Variants in DPYD observed in about 807,000 individuals in gnomAD.
DPYD encodes dihydropyrimidine dehydrogenase.
Under a neutral mutation model 116.2 loss-of-function variants are expected in DPYD, and 109 were observed. That is an observed-to-expected ratio of 0.94 (90% CI 0.80 to 1.10). DPYD has a LOEUF of 1.10. DPYD is among the 50% of genes least tolerant of loss of function. The pLI is 0.00. For missense variants in DPYD, 1,302 were observed against 1,254.5 expected (o/e 1.04, Z -0.57); for synonymous variants, 440 against 432.0 (o/e 1.02, Z -0.23).
At chr1:97,519,836 A>G (rs1212640387) in intron 12 of DPYD, among the ~76,000 whole-genome samples, 1 of 152,104 alleles carries the variant, frequency 6.6e-6, no homozygotes, top group African/African-American at 2.4e-5. Context: ...CTACCTCTGC[A>G]CTTTTCACAT....
intron 20 of DPYD, among the ~76,000 whole-genome samples, chr1:97,107,230 A>G (rs938202166): frequency 2.6e-5 from 4 of 151,932 alleles, no homozygotes; most frequent in Admixed American, 6.6e-5. Context: ...CTTTATCACC[A>G]TCCCCTGCTC....
At chr1:97,707,219 T>C (rs920705021) in intron 5 of DPYD, among the ~76,000 whole-genome samples, 5 of 152,016 alleles carry the variant, frequency 3.3e-5, no homozygotes, top group African/African-American at 1.2e-4. Flanking sequence ...CCAGGAGAAA[T>C]ACCTTGCCCC....
chr1:97,643,249 A>G (rs977037906), intron 8 of DPYD, among the ~76,000 whole-genome samples: 1 of 152,186 alleles, frequency 6.6e-6, no homozygotes, highest in African/African-American at 2.4e-5. Context: ...AAATAAGCAA[A>G]CAACCCCATC....
chr1:97,380,147 C>T lies in DPYD; in HGVS notation c.1974+2246G>A, dbSNP rs140360646. ...AGATCGACTACACTGGATTAAAGAT[C>T]CATTTACAAGTGAATATTGTGAACC... On this transcript the variant is annotated intron_variant, in intron 15 of 22. Transcript: ENST00000370192. Among the ~76,000 whole-genome samples the T allele has an allele frequency of 6.8e-3, 1,035 of 152,270 alleles. 14 individuals are homozygous for T. Among genetic ancestry groups the T allele is most frequent in the African/African-American group, 0.024 (1,000 of 41,554 alleles).
chr1:97,193,272 C>G (rs1313742166), intron 19 of DPYD, 24 bp from the exon 20 acceptor site: 16 of 1,608,596 alleles, frequency 9.9e-6, no homozygotes, highest in Admixed American at 3.4e-5. Flanking sequence ...AGCAGTCAAC[C>G]AAGTGTCAAA....
intron 14 of DPYD, among the ~76,000 whole-genome samples, chr1:97,435,846 G>T (rs905860759): frequency 6.6e-6 from 1 of 151,592 alleles, no homozygotes; most frequent in African/African-American, 2.4e-5. Flanking sequence ...TGGCAAAAAA[G>T]GAAGCTGGGG....
intron 11 of DPYD, 114 bp downstream of exon 11, chr1:97,573,646 C>T (rs1485736868): frequency 1.5e-6 from 2 of 1,318,806 alleles, no homozygotes; most frequent in African/African-American, 1.5e-5. Flanking sequence ...TACTTCTTAA[C>T]TAGAAGAGGA....
intron 8 of DPYD, among the ~76,000 whole-genome samples, chr1:97,643,931 C>A (rs1658087688): frequency 6.6e-6 from 1 of 151,478 alleles, no homozygotes; most frequent in African/African-American, 2.4e-5. Flanking sequence ...CAGGGCCTGT[C>A]AGGGGTTGGG....
intron 16 of DPYD, among the ~76,000 whole-genome samples, chr1:97,369,086 G>A (rs12126526): frequency 1.3e-5 from 2 of 152,044 alleles, no homozygotes; most frequent in African/African-American, 2.4e-5. Flanking sequence ...GCTAAAAGAG[G>A]GTTAGTACTC....
intron 13 of DPYD, among the ~76,000 whole-genome samples, chr1:97,469,647 A>G (rs1269920861): frequency 2.0e-5 from 3 of 152,186 alleles, no homozygotes; most frequent in Non-Finnish European, 2.9e-5. Context: ...AAACTATACT[A>G]AAGGTTCACA....
chr1:97,845,699 T>C (rs1670262934), intron 2 of DPYD, among the ~76,000 whole-genome samples: 1 of 152,122 alleles, frequency 6.6e-6, no homozygotes, highest in African/African-American at 2.4e-5. Flanking sequence ...GCTCGCCAGG[T>C]TGTGGGAGAC....
At chr1:97,427,571 C>T in intron 14 of DPYD, among the ~76,000 whole-genome samples, 1 of 151,964 alleles carries the variant, frequency 6.6e-6, no homozygotes, top group African/African-American at 2.4e-5. Context: ...CCTGTCTAGC[C>T]AGGAAACTAA....
chr1:97,804,365 T>G (rs753178027), intron 3 of DPYD, among the ~76,000 whole-genome samples: 4 of 151,754 alleles, frequency 2.6e-5, no homozygotes, highest in Non-Finnish European at 5.9e-5. Context: ...AGTGAAACAA[T>G]TGAAAGGAAT....
chr1:97,326,253 A>G (rs1027309487), intron 16 of DPYD, among the ~76,000 whole-genome samples: 2 of 151,972 alleles, frequency 1.3e-5, no homozygotes, highest in East Asian at 1.9e-4. Flanking sequence ...AGGAAACACA[A>G]GAGAAGCAGG....
chr1:97,892,616 A>T (rs1254946856), intron 1 of DPYD, among the ~76,000 whole-genome samples: 1 of 151,760 alleles, frequency 6.6e-6, no homozygotes, highest in Non-Finnish European at 1.5e-5. Flanking sequence ...AAAGACTTAC[A>T]TTTACCTAAT....
At chr1:97,278,920 A>AT (rs1557994050) in intron 18 of DPYD, among the ~76,000 whole-genome samples, 17 of 142,570 alleles carry the variant, frequency 1.2e-4, no homozygotes, top group Middle Eastern at 3.6e-3. Flanking sequence ...ATTTCGTAAA[A>AT]ATTTTTTTTT....
chr1:97,320,296 C>T (rs1272633993), intron 16 of DPYD, among the ~76,000 whole-genome samples: 2 of 137,938 alleles, frequency 1.4e-5, no homozygotes, highest in East Asian at 4.4e-4. Context: ...TCAAATTGTC[C>T]CTGTTTGCAG....
At chr1:97,760,438 C>T (rs1665510672) in intron 3 of DPYD, among the ~76,000 whole-genome samples, 1 of 152,082 alleles carries the variant, frequency 6.6e-6, no homozygotes, top group African/African-American at 2.4e-5. Context: ...AATAGCAATA[C>T]AACAATAAAA....
chr1:97,205,803 G>A (rs757619896), intron 19 of DPYD, among the ~76,000 whole-genome samples: 3 of 151,970 alleles, frequency 2.0e-5, no homozygotes, highest in Non-Finnish European at 4.4e-5. Flanking sequence ...CCCTACTGCT[G>A]GAGTCTGGCT....
Sources: gnomAD v4.1 joint callset for allele counts (sites outside exome capture counted in the v4.1 genomes callset) on GRCh38, gnomAD v4.1.1 for gene constraint, MANE v1.5 for transcripts, NCBI Gene and HGNC (gene_info 2026-07-23, HGNC 2026-07-21) for gene names.